The following SNX29 variants were observed in gnomAD, a reference collection of about 807,000 sequenced individuals.
The protein encoded by SNX29 is sorting nexin-29.
Under a neutral mutation model 102.1 loss-of-function variants are expected in SNX29, and 78 were observed. That is an observed-to-expected ratio of 0.76 (90% CI 0.64 to 0.92). The LOEUF (loss-of-function observed/expected upper bound fraction) is 0.92. Ranked by LOEUF, SNX29 falls within the 40% of genes least tolerant of loss-of-function variation. The probability of loss-of-function intolerance (pLI) is 0.00; values close to 1 mark genes in which losing one functional copy is unlikely to be tolerated. For missense variants in SNX29, 1,280 were observed against 1,061.7 expected (o/e 1.21, Z -2.86); for synonymous variants, 580 against 414.5 (o/e 1.40, Z -4.85).
intron 7 of SNX29, among the ~76,000 whole-genome samples, chr16:12,051,332 T>TA (rs372899414): frequency 0.67 from 92,227 of 138,060 alleles, 30,718 homozygotes; most frequent in African/African-American, 0.71. Context: ...CCCCAACTCT[T>TA]AAAAAAAAAA....
At chr16:12,314,166 T>A (rs1015419134) in intron 15 of SNX29, among the ~76,000 whole-genome samples, 1 of 152,092 alleles carries the variant, frequency 6.6e-6, no homozygotes, top group Non-Finnish European at 1.5e-5. Context: ...ATTTTTTTAT[T>A]TTTTTTAACC....
intron 14 of SNX29, among the ~76,000 whole-genome samples, chr16:12,210,633 T>TC (rs1159436284): frequency 1.3e-5 from 2 of 151,964 alleles, no homozygotes; most frequent in Non-Finnish European, 1.5e-5. Context: ...ACCTTTCTGG[T>TC]CCCCCTGGGC....
At chr16:12,491,952 C>T (rs1190917344) in intron 19 of SNX29, among the ~76,000 whole-genome samples, 2 of 152,154 alleles carry the variant, frequency 1.3e-5, no homozygotes, top group Non-Finnish European at 2.9e-5. Context: ...GGGTTGGTTC[C>T]AAGTCTTTGC....
chr16:12,567,342 T>C (rs1567221774), intron 20 of SNX29, among the ~76,000 whole-genome samples: 1 of 152,234 alleles, frequency 6.6e-6, no homozygotes, highest in African/African-American at 2.4e-5. Context: ...TGGACATGGA[T>C]CCTGTTAGGT....
At chr16:12,543,255 G>C (rs956586348) in intron 20 of SNX29, among the ~76,000 whole-genome samples, 1 of 152,192 alleles carries the variant, frequency 6.6e-6, no homozygotes, top group African/African-American at 2.4e-5. Flanking sequence ...GAATGATGCA[G>C]CTCTGGGTCA....
chr16:12,010,288 G>A (rs2056602315), intron 3 of SNX29, among the ~76,000 whole-genome samples: 1 of 152,280 alleles, frequency 6.6e-6, no homozygotes, highest in East Asian at 1.9e-4. Flanking sequence ...CCATATGGGT[G>A]GCAGTGAGTT....
At chr16:12,171,036 G>A (rs926422385) in intron 13 of SNX29, among the ~76,000 whole-genome samples, 1 of 152,030 alleles carries the variant, frequency 6.6e-6, no homozygotes, top group Non-Finnish European at 1.5e-5. Context: ...TAGCAGCTTG[G>A]AGGAGAGCTT....
At chr16:12,489,868 T>C (rs1231631228) in intron 19 of SNX29, among the ~76,000 whole-genome samples, 1 of 152,162 alleles carries the variant, frequency 6.6e-6, no homozygotes, top group African/African-American at 2.4e-5. Flanking sequence ...TGCAGTGGTG[T>C]GATCTTGGCT....
intron 18 of SNX29, among the ~76,000 whole-genome samples, chr16:12,432,321 T>C (rs2085347346): frequency 6.6e-6 from 1 of 152,214 alleles, no homozygotes; most frequent in Admixed American, 6.5e-5. Flanking sequence ...AGAAACCTTG[T>C]GGTGTGGTGG....
At chr16:12,306,289 C>T (rs866843320) in intron 15 of SNX29, among the ~76,000 whole-genome samples, 65 of 151,928 alleles carry the variant, frequency 4.3e-4, no homozygotes, top group Non-Finnish European at 8.8e-4. Flanking sequence ...CTCACTCACA[C>T]GGCATGGTGA....
At chr16:12,194,422 G>T (rs532400270) in intron 13 of SNX29, among the ~76,000 whole-genome samples, 144 of 152,220 alleles carry the variant, frequency 9.5e-4, no homozygotes, top group African/African-American at 3.2e-3. Context: ...TGTCTCTTGT[G>T]AAGAGGGAAA....
chr16:12,334,877 G>A (rs1757261527), intron 15 of SNX29, among the ~76,000 whole-genome samples: 1 of 101,090 alleles, frequency 9.9e-6, no homozygotes. Context: ...AGCCCCTTTT[G>A]CTTTAAGTTA....
intron 3 of SNX29, among the ~76,000 whole-genome samples, chr16:12,022,585 A>G (rs1213118478): frequency 2.0e-5 from 3 of 152,012 alleles, no homozygotes; most frequent in Non-Finnish European, 4.4e-5. Context: ...TATCCCCCCA[A>G]ATTCCCTTGT....
intron 20 of SNX29, among the ~76,000 whole-genome samples, chr16:12,561,298 G>A (rs748805979): frequency 8.5e-5 from 13 of 152,130 alleles, no homozygotes. Context: ...CATTCTCCAT[G>A]ATCTTCACAT....
intron 20 of SNX29, among the ~76,000 whole-genome samples, chr16:12,555,059 T>G (rs1597991051): frequency 6.6e-6 from 1 of 151,272 alleles, no homozygotes; most frequent in African/African-American, 2.4e-5. Context: ...AAGAGGCTGG[T>G]TGGAGTTGTG....
chr16:12,013,488 G>GGGAAAAAAAAAAA (rs781538940), intron 3 of SNX29, among the ~76,000 whole-genome samples: 2 of 12,980 alleles, frequency 1.5e-4, no homozygotes, highest in African/African-American at 1.9e-4. Flanking sequence ...TCTACTGGGG[G>GGGAAAAAAAAAAA]AAAAAAAAAA....
intron 8 of SNX29, 120 bp from the exon 9 acceptor site, chr16:12,061,408 C>G (rs1482530207): frequency 1.3e-6 from 1 of 743,438 alleles, no homozygotes; most frequent in Admixed American, 2.4e-5. Flanking sequence ...ACACCTCCTT[C>G]TGTTCTCAGC....
chr16:12,296,276 A>G (rs1372731517), intron 15 of SNX29, among the ~76,000 whole-genome samples: 2 of 152,252 alleles, frequency 1.3e-5, no homozygotes, highest in Non-Finnish European at 2.9e-5. Flanking sequence ...AGTGGTGGTC[A>G]ATTTTGATGA....
intron 19 of SNX29, among the ~76,000 whole-genome samples, chr16:12,485,560 C>G (rs1279518051): frequency 6.6e-6 from 1 of 152,172 alleles, no homozygotes; most frequent in Non-Finnish European, 1.5e-5. Context: ...AGCCCCTTTG[C>G]AACTTCTTGG....
Sources: allele counts gnomAD v4.1 joint callset (sites outside exome capture counted in the v4.1 genomes callset), GRCh38; gene constraint gnomAD v4.1.1; transcripts MANE v1.5; gene names NCBI Gene and HGNC (gene_info 2026-07-23, HGNC 2026-07-21).